The following CCSER1 variants were observed in gnomAD, a reference collection of about 807,000 sequenced individuals.
The protein encoded by CCSER1 is serine-rich coiled-coil domain-containing protein 1.
In CCSER1, 41 loss-of-function variants were observed where a neutral mutation model predicts 82.0. The observed-to-expected ratio is 0.50, with a 90% CI of 0.39 to 0.65. CCSER1 has a LOEUF of 0.65. CCSER1 is among the 30% of genes least tolerant of loss of function. The pLI is 0.00. For missense variants in CCSER1, 1,119 were observed against 1,064.2 expected (o/e 1.05, Z -0.72); for synonymous variants, 414 against 383.9 (o/e 1.08, Z -0.92).
intron 10 of CCSER1, among the ~76,000 whole-genome samples, chr4:91,487,210 G>C (rs1420782708): frequency 6.6e-6 from 1 of 152,090 alleles, no homozygotes; most frequent in Non-Finnish European, 1.5e-5. Flanking sequence ...GTTTCAATTA[G>C]AGTCGAAATT....
chr4:90,531,094 T>C (rs1389166500), intron 5 of CCSER1, among the ~76,000 whole-genome samples: 1 of 152,152 alleles, frequency 6.6e-6, no homozygotes, highest in Non-Finnish European at 1.5e-5. Flanking sequence ...ATCTGTGAAT[T>C]AGTTTTATAT....
intron 1 of CCSER1, among the ~76,000 whole-genome samples, chr4:90,189,467 C>T (rs2153394735): frequency 6.6e-6 from 1 of 151,892 alleles, no homozygotes; most frequent in African/African-American, 2.4e-5. Flanking sequence ...ATGACGTGCA[C>T]TGAGCATATG....
intron 8 of CCSER1, among the ~76,000 whole-genome samples, chr4:90,911,820 C>A (rs765855850): frequency 3.9e-5 from 6 of 152,192 alleles, no homozygotes; most frequent in Non-Finnish European, 8.8e-5. Context: ...AAACGGCACA[C>A]CAGGAGATTA....
At chr4:91,284,542 A>G (rs568669392) in intron 10 of CCSER1, among the ~76,000 whole-genome samples, 5 of 152,196 alleles carry the variant, frequency 3.3e-5, no homozygotes, top group Middle Eastern at 3.4e-3. Context: ...CTTTTTGTCA[A>G]TGAGAAATGT....
chr4:90,707,976 A>G (rs1431633608), intron 6 of CCSER1, among the ~76,000 whole-genome samples: 4 of 152,024 alleles, frequency 2.6e-5, no homozygotes, highest in Non-Finnish European at 4.4e-5. Context: ...ATGGAAAGAT[A>G]CTCTTTCCTT....
chr4:91,387,392 C>G (rs1239713655), intron 10 of CCSER1, among the ~76,000 whole-genome samples: 1 of 151,482 alleles, frequency 6.6e-6, no homozygotes, highest in African/African-American at 2.4e-5. Context: ...TCATTTAGTC[C>G]CTGAAATCTT....
At position 91,367,243 on chromosome 4, in the gene CCSER1, G is replaced by C. The variant is rs1335564672; in HGVS notation, c.2218-231329G>C. ...GAGGTGGGAGGATCACCTGAGCCCAGGAGGTGGAGGTTGCAGTGAGCCAAG... is the reference window on the plus strand; with the variant it reads ...GAGGTGGGAGGATCACCTGAGCCCACGAGGTGGAGGTTGCAGTGAGCCAAG... On this transcript the variant is annotated intron_variant, in intron 10 of 10. Transcript: ENST00000509176. Among the ~76,000 whole-genome samples, 3 of 149,040 alleles carry C rather than the reference G, an allele frequency of 2.0e-5. No individual in the cohort carries two copies. In the East Asian group the frequency reaches 5.9e-4, roughly 29 times the overall value.
intron 1 of CCSER1, among the ~76,000 whole-genome samples, chr4:90,222,316 T>C (rs1742303190): frequency 6.6e-6 from 1 of 152,210 alleles, no homozygotes; most frequent in African/African-American, 2.4e-5. Flanking sequence ...TCTTTTGTGT[T>C]CTTATAATTA....
At chr4:90,166,337 C>G (rs1730444640) in intron 1 of CCSER1, among the ~76,000 whole-genome samples, 1 of 151,738 alleles carries the variant, frequency 6.6e-6, no homozygotes, top group Non-Finnish European at 1.5e-5. Flanking sequence ...TTTATCAGGG[C>G]ACAACCCAAT....
rs190093837 is a variant in CCSER1 at position 90,882,828 on chromosome 4, G to T, written c.2095-40542G>T. Among the ~76,000 whole-genome samples, 350 of 151,658 alleles carry T rather than the reference G, an allele frequency of 2.3e-3. 3 individuals are homozygous for T. Among genetic ancestry groups the T allele is most frequent in the African/African-American group, 8.0e-3 (330 of 41,394 alleles). On this transcript the variant is annotated intron_variant, in intron 8 of 10. Coordinates refer to ENST00000509176, the MANE Select transcript of CCSER1 (RefSeq NM_001145065.2). ...TTAGGAATAGGTTACATAATTTCTCGGTCAAATATTTGTAAATTAAATCTA... is the reference window on the plus strand; with the variant it reads ...TTAGGAATAGGTTACATAATTTCTCTGTCAAATATTTGTAAATTAAATCTA...
At chr4:91,109,027 C>T (rs34386665) in intron 10 of CCSER1, among the ~76,000 whole-genome samples, 1,798 of 152,232 alleles carry the variant, frequency 0.012, 19 homozygotes, top group South Asian at 0.021. Flanking sequence ...GCTGGGGCAC[C>T]CTTCTTCTCT....
intron 1 of CCSER1, among the ~76,000 whole-genome samples, chr4:90,300,227 C>T (rs990614213): frequency 9.9e-5 from 15 of 152,096 alleles, no homozygotes; most frequent in African/African-American, 3.4e-4. Flanking sequence ...TTATATACGT[C>T]TTTTCAGTAT....
At chr4:91,549,834 CAA>C (rs59890772) in intron 10 of CCSER1, among the ~76,000 whole-genome samples, 1 of 151,770 alleles carries the variant, frequency 6.6e-6, no homozygotes, top group Non-Finnish European at 1.5e-5. Flanking sequence ...GACCCTGTCT[CAA>C]AAAAATAAAT....
At chr4:90,817,727 A>T (rs75711287) in intron 8 of CCSER1, among the ~76,000 whole-genome samples, 26 of 152,142 alleles carry the variant, frequency 1.7e-4, no homozygotes, top group Non-Finnish European at 2.8e-4. Flanking sequence ...AATTTTACTT[A>T]GAGGAAACAT....
intron 1 of CCSER1, among the ~76,000 whole-genome samples, chr4:90,288,881 G>T (rs1296597542): frequency 6.6e-6 from 1 of 151,818 alleles, no homozygotes; most frequent in Non-Finnish European, 1.5e-5. Flanking sequence ...AGGATGCATT[G>T]TTCAGTTTCT....
At chr4:91,416,255 T>C (rs2149377869) in intron 10 of CCSER1, among the ~76,000 whole-genome samples, 1 of 152,244 alleles carries the variant, frequency 6.6e-6, no homozygotes, top group Middle Eastern at 3.4e-3. Context: ...AGAATCAATA[T>C]TGTGAAAATG....
chr4:91,095,038 A>T (rs553704276), intron 10 of CCSER1, among the ~76,000 whole-genome samples: 1 of 152,216 alleles, frequency 6.6e-6, no homozygotes, highest in Non-Finnish European at 1.5e-5. Context: ...TGCTCCAATT[A>T]TATCAATGGT....
At chr4:91,416,643 C>A (rs1261376891) in intron 10 of CCSER1, among the ~76,000 whole-genome samples, 1 of 152,152 alleles carries the variant, frequency 6.6e-6, no homozygotes, top group Admixed American at 6.6e-5. Flanking sequence ...GGAGAACTGG[C>A]TAGCCATATG....
intron 6 of CCSER1, among the ~76,000 whole-genome samples, chr4:90,661,531 T>G (rs906028220): frequency 6.6e-6 from 1 of 152,170 alleles, no homozygotes; most frequent in African/African-American, 2.4e-5. Flanking sequence ...GCCTGAAGAA[T>G]AGAAGGCTGA....
Sources: allele counts gnomAD v4.1 joint callset (sites outside exome capture counted in the v4.1 genomes callset), GRCh38; gene constraint gnomAD v4.1.1; transcripts MANE v1.5; gene names NCBI Gene and HGNC (gene_info 2026-07-23, HGNC 2026-07-21).